The following PDE1A variants were observed in gnomAD, a reference collection of about 807,000 sequenced individuals.
PDE1A encodes the protein dual specificity calcium/calmodulin-dependent 3',5'-cyclic nucleotide phosphodiesterase 1A.
PDE1A carries 35 observed loss-of-function variants against 61.7 expected under a neutral mutation model. The observed-to-expected ratio is 0.57, with a 90% CI of 0.43 to 0.75. The LOEUF is 0.75. Ranked by LOEUF, PDE1A falls within the 30% of genes least tolerant of loss-of-function variation. The pLI, the probability that PDE1A is intolerant of heterozygous loss-of-function variation, is 0.00. For synonymous variants in PDE1A, 232 were observed against 213.2 expected (o/e 1.09, Z -0.77); for missense variants, 597 against 630.6 (o/e 0.95, Z 0.57).
At chr2:182,164,963 A>G (rs937179429), downstream of PDE1A, among the ~76,000 whole-genome samples, 4 of 151,848 alleles carry the variant, frequency 2.6e-5, no homozygotes, top group African/African-American at 7.3e-5. Context: ...TTCACAGGGA[A>G]AAAGTGCAGC....
At chr2:182,505,955 G>A (rs1338483946) in intron 2 of PDE1A, among the ~76,000 whole-genome samples, 1 of 152,110 alleles carries the variant, frequency 6.6e-6, no homozygotes, top group Non-Finnish European at 1.5e-5. Context: ...GTATCAAAAG[G>A]CCACACATAA....
the PDE1A span, among the ~76,000 whole-genome samples, chr2:182,608,736 T>A: frequency 6.6e-6 from 1 of 152,202 alleles, no homozygotes; most frequent in Admixed American, 6.5e-5. Flanking sequence ...CGCCCCCTGC[T>A]CCACGGCGCC....
intron 2 of PDE1A, among the ~76,000 whole-genome samples, chr2:182,246,394 C>CTTCTTTTTTTTTT (rs1690952238): frequency 9.5e-6 from 1 of 105,366 alleles, no homozygotes; most frequent in African/African-American, 3.6e-5. Flanking sequence ...AGTCTTTTTT[C>CTTCTTTTTTTTTT]TTTTTTCTTT....
chr2:182,506,027 AGAAAG>A (rs1446855688), intron 2 of PDE1A, among the ~76,000 whole-genome samples: 5 of 152,376 alleles, frequency 3.3e-5, no homozygotes, highest in African/African-American at 1.2e-4. Context: ...TCTAAAAGTT[AGAAAG>A]GAACCCGTTA....
intron 2 of PDE1A, among the ~76,000 whole-genome samples, chr2:182,462,672 A>C (rs978262585): frequency 3.3e-5 from 5 of 152,118 alleles, no homozygotes; most frequent in African/African-American, 1.2e-4. Context: ...AAAAGGGTGT[A>C]AGCAGGGAGC....
chr2:182,626,870 T>C, the PDE1A span, among the ~76,000 whole-genome samples: 61 of 50,190 alleles, frequency 1.2e-3, 8 homozygotes, highest in South Asian at 0.011. Flanking sequence ...CATATATATA[T>C]ACATATATAT....
exon 1 of PDE1A, chr2:182,426,620 T>A (rs1277639766): frequency 6.2e-7 from 1 of 1,612,544 alleles, no homozygotes; most frequent in Admixed American, 1.7e-5. Flanking sequence ...GATTGTGACA[T>A]GGTCATCCAT....
Position 182,384,764 on chromosome 2 carries a change from T to C in PDE1A, c.53+41814A>G, listed in dbSNP as rs528156434. Among the ~76,000 whole-genome samples the C allele has an allele frequency of 1.4e-4, 22 of 152,184 alleles. No individual in the cohort carries two copies. The South Asian group carries it at 2.5e-3, about 17-fold the overall frequency. ...ATAGAAAGCTTATTTTATAAAATAG[T>C]AGCAGAAAATTTTCTAAACCTGGAG... is the stretch of plus-strand genomic sequence containing the variant. On this transcript the variant is annotated intron_variant, in intron 1 of 13. Coordinates refer to ENST00000351439, the Ensembl canonical transcript of PDE1A.
At chr2:182,512,424 G>A (rs11677543) in intron 2 of PDE1A, among the ~76,000 whole-genome samples, 10,035 of 152,204 alleles carry the variant, frequency 0.066, 353 homozygotes, top group Middle Eastern at 0.1. Flanking sequence ...TCAAGTGCAT[G>A]AAAGAATATA....
chr2:182,585,960 C>T, the PDE1A span, among the ~76,000 whole-genome samples: 1 of 152,014 alleles, frequency 6.6e-6, no homozygotes, highest in South Asian at 2.1e-4. Flanking sequence ...AATGGTATTA[C>T]CATGCTTGAC....
At chr2:182,522,464 T>A in intron 1 of PDE1A, 3 of 1,585,028 alleles carry the variant, frequency 1.9e-6, no homozygotes, top group Non-Finnish European at 2.6e-6. Flanking sequence ...TACACACTTA[T>A]ACAGTAGCCT....
At chr2:182,674,228 T>A in the PDE1A span, among the ~76,000 whole-genome samples, 1 of 152,034 alleles carries the variant, frequency 6.6e-6, no homozygotes, top group South Asian at 2.1e-4. Context: ...AACCACTATG[T>A]GACCCAACTG....
chr2:182,640,757 T>C, the PDE1A span, among the ~76,000 whole-genome samples: 1 of 152,036 alleles, frequency 6.6e-6, no homozygotes, highest in South Asian at 2.1e-4. Flanking sequence ...CAGTGGCTCA[T>C]GCCTGTAATC....
chr2:182,596,180 C>A, the PDE1A span, among the ~76,000 whole-genome samples: 1 of 152,214 alleles, frequency 6.6e-6, no homozygotes, highest in Non-Finnish European at 1.5e-5. Context: ...AAGTAAGGTA[C>A]ATTCTTTGGT....
At chr2:182,250,094 C>A (rs576355237) in intron 2 of PDE1A, among the ~76,000 whole-genome samples, 1 of 152,132 alleles carries the variant, frequency 6.6e-6, no homozygotes, top group Non-Finnish European at 1.5e-5. Context: ...CCACTTTAAA[C>A]GCATTTTTTT....
chr2:182,648,367 A>G, the PDE1A span, among the ~76,000 whole-genome samples: 23,302 of 151,544 alleles, frequency 0.15, 2,370 homozygotes, highest in African/African-American at 0.29. Flanking sequence ...GCAAGAGCTT[A>G]AGTAGATGCA....
intron 1 of PDE1A, among the ~76,000 whole-genome samples, chr2:182,405,708 C>T (rs1702260433): frequency 6.6e-6 from 1 of 152,176 alleles, no homozygotes; most frequent in African/African-American, 2.4e-5. Flanking sequence ...AGACCTTCTG[C>T]ATAGCATAGT....
chr2:182,285,127 C>G (rs13403591), intron 1 of PDE1A, among the ~76,000 whole-genome samples: 7,289 of 152,186 alleles, frequency 0.048, 534 homozygotes, highest in African/African-American at 0.17. Flanking sequence ...CTGCCTTCCA[C>G]CCATCAAAGT....
the PDE1A span, among the ~76,000 whole-genome samples, chr2:182,626,796 TATATACATATATATATAC>T: frequency 2.9e-5 from 1 of 34,110 alleles, no homozygotes; most frequent in East Asian, 9.8e-4. Flanking sequence ...TATATACATA[TATATACATATATATATAC>T]ATATATATAT....
Sources: gnomAD v4.1 joint callset for allele counts (sites outside exome capture counted in the v4.1 genomes callset) on GRCh38, gnomAD v4.1.1 for gene constraint, MANE v1.5 for transcripts, NCBI Gene and HGNC (gene_info 2026-07-23, HGNC 2026-07-21) for gene names.